OTOGL: variants seen among roughly 807,000 people sequenced by gnomAD.
The protein encoded by OTOGL is otogelin like, also known as otogelin-like protein.
In OTOGL, 285 loss-of-function variants were observed where a neutral mutation model predicts 318.5. The ratio of observed to expected loss-of-function variants is 0.89; its 90% CI spans 0.81 to 0.99. OTOGL has a LOEUF of 0.99. Ranked by LOEUF, OTOGL falls within the 50% of genes least tolerant of loss-of-function variation. OTOGL has a pLI of 0.00. For synonymous variants in OTOGL, 987 were observed against 936.5 expected (o/e 1.05, Z -0.99); for missense variants, 2,899 against 2,845.6 (o/e 1.02, Z -0.43).
At chr12:80,307,734 C>CG (rs1243633737) in intron 29 of OTOGL, among the ~76,000 whole-genome samples, 2 of 137,938 alleles carry the variant, frequency 1.4e-5, no homozygotes, top group African/African-American at 5.5e-5. Flanking sequence ...GCTGGCCGAG[C>CG]GGGGGGCAGA....
rs202052237 is a variant in OTOGL at position 80,270,042 on chromosome 12, AG to A, written c.2466-57del. 1.8e-4 allele frequency: 216 copies of A among 1,170,246 alleles called. 2 individuals carry two copies. The African/African-American group carries it at 3.9e-3, about 21-fold the overall frequency. The allele number at this position is 1,170,246 out of a possible 1,614,324, so 72.5% of individuals were successfully genotyped here. ...GTACGTTAGATTGTTGTCGAAATTC[AG>A]GGAAAAAAAAAAAAACAACAGATTT... On this transcript the variant is annotated intron_variant, in intron 22 of 58. Coordinates refer to ENST00000547103, the MANE Select transcript of OTOGL (RefSeq NM_001378609.3).
chr12:80,269,296 A>C (rs1883230398), intron 22 of OTOGL, among the ~76,000 whole-genome samples: 2 of 152,170 alleles, frequency 1.3e-5, no homozygotes. Flanking sequence ...GTTGTTTTCC[A>C]TCATGTTATC....
intron 30 of OTOGL, among the ~76,000 whole-genome samples, chr12:80,312,120 A>G (rs914195811): frequency 6.6e-6 from 1 of 152,210 alleles, no homozygotes; most frequent in Admixed American, 6.5e-5. Context: ...AAAAAATGAT[A>G]TTTTTTGAGT....
chr12:80,128,499 G>A (rs1390193267), intron 1 of OTOGL, among the ~76,000 whole-genome samples: 1 of 152,212 alleles, frequency 6.6e-6, no homozygotes, highest in Non-Finnish European at 1.5e-5. Flanking sequence ...GGACCCACTT[G>A]AGGAGGCAGT....
intron 1 of OTOGL, among the ~76,000 whole-genome samples, chr12:80,168,201 G>C (rs982974467): frequency 2.6e-5 from 4 of 151,978 alleles, no homozygotes; most frequent in Non-Finnish European, 4.4e-5. Flanking sequence ...AAAGTGGTCT[G>C]GCTGCCTCAG....
chr12:80,208,279 A>G (rs1186494775), intron 1 of OTOGL: 5 of 504,184 alleles, frequency 9.9e-6, no homozygotes, highest in Non-Finnish European at 2.0e-5. Context: ...AACTGTTTAT[A>G]TAATGAATGT....
intron 19 of OTOGL, among the ~76,000 whole-genome samples, chr12:80,264,291 A>G (rs985225004): frequency 1.3e-5 from 2 of 152,184 alleles, no homozygotes; most frequent in Non-Finnish European, 2.9e-5. Flanking sequence ...GTCATTCTCA[A>G]GGGAAAAATC....
rs1272056377 is a variant in OTOGL, at chr12:80,367,717, A to G, written c.6488A>G (p.Asn2163Ser). ...CACACTCTGAATTTTACACTGGTGA[A>G]TTGTTCAAAAAAATGTGATGTTGTA... ...GFHTLNFTLV[N>S]CSKKCDVHQV... is the part of the protein sequence containing the mutation. The change falls in exon 54 of 59, where the codon AAT (asparagine) becomes AGT (serine). Residue 2163 changes from asparagine (N) to serine (S), a missense_variant. Physicochemically the swap from Asn to Ser is conservative, Grantham distance 46. Transcript: ENST00000547103. 3.5e-6 allele frequency: 5 copies of G among 1,430,334 alleles called. No individual in the cohort carries two copies. The highest frequency in any genetic ancestry group is 1.6e-5 in the South Asian group (1 of 63,288). 88.6% of individuals were successfully genotyped at this position (1,430,334 alleles called of 1,614,324 possible). A position where few individuals can be genotyped will look rare whatever the true frequency, so the allele number is the denominator to read the frequency against.
chr12:80,170,285 G>A (rs1243341874), intron 1 of OTOGL, among the ~76,000 whole-genome samples: 2 of 151,624 alleles, frequency 1.3e-5, no homozygotes, highest in East Asian at 1.9e-4. Flanking sequence ...TCCAGTCCAT[G>A]TATACTGATA....
At chr12:80,306,504 C>T (rs759803327) in intron 29 of OTOGL, among the ~76,000 whole-genome samples, 2 of 152,136 alleles carry the variant, frequency 1.3e-5, no homozygotes, top group African/African-American at 4.8e-5. Flanking sequence ...AGTTACTTCT[C>T]TACTTTGCCT....
intron 44 of OTOGL, among the ~76,000 whole-genome samples, chr12:80,348,796 C>T (rs1889362876): frequency 6.6e-6 from 1 of 152,148 alleles, no homozygotes; most frequent in African/African-American, 2.4e-5. Flanking sequence ...TCTTAATATT[C>T]CAAGAGTTTT....
intron 52 of OTOGL, among the ~76,000 whole-genome samples, chr12:80,361,545 T>C (rs1389957742): frequency 6.6e-6 from 1 of 152,188 alleles, no homozygotes; most frequent in African/African-American, 2.4e-5. Context: ...TTTAATTTTT[T>C]GAGGAACATA....
At position 80,115,662 on chromosome 12, in the gene OTOGL, C is replaced by G. The variant is rs935115746; in HGVS notation, c.-20+16057C>G. Among the ~76,000 whole-genome samples, 4 of 152,346 alleles carry G rather than the reference C, an allele frequency of 2.6e-5. No individual in the cohort carries two copies. In the South Asian group the frequency reaches 8.3e-4, roughly 32 times the overall value. On this transcript the variant is annotated intron_variant, in intron 1 of 58. Coordinates refer to ENST00000547103, the MANE Select transcript of OTOGL (RefSeq NM_001378609.3). ...CTGTTCCTACAGCCGTTGCTTCCCC[C>G]CAGGTGCTCTGTCCCAGGGAGATGG... is the stretch of plus-strand genomic sequence containing the variant.
intron 44 of OTOGL, among the ~76,000 whole-genome samples, chr12:80,347,187 C>A (rs776795021): frequency 4.0e-5 from 6 of 151,770 alleles, no homozygotes; most frequent in African/African-American, 1.5e-4. Flanking sequence ...ATGTGCAGAA[C>A]GTGCAGGTTT....
At chr12:80,203,459 T>G (rs1260254039) in intron 1 of OTOGL, among the ~76,000 whole-genome samples, 5 of 152,124 alleles carry the variant, frequency 3.3e-5, no homozygotes, top group Non-Finnish European at 7.4e-5. Flanking sequence ...ATTCACAGAT[T>G]CTGGAAATTA....
chr12:80,369,410 A>G (rs1436458292), intron 55 of OTOGL, among the ~76,000 whole-genome samples: 5 of 152,088 alleles, frequency 3.3e-5, no homozygotes, highest in African/African-American at 1.2e-4. Context: ...TCCCAGGTTA[A>G]ATGGTTGACT....
In OTOGL at chr12:80,158,071, T is replaced by C. The variant is rs575826428; in HGVS notation, c.-19-51342T>C. On this transcript the variant is annotated intron_variant, in intron 1 of 58. Transcript: ENST00000547103. ...TAGTAAATCCTAAGCATTTTAAGTA[T>C]GAGAAAAATGCCACAAGCTTATAAA... 9.8e-4 allele frequency among the ~76,000 whole-genome samples: 149 copies of C among 152,196 alleles called. 2 individuals are homozygous for C. The South Asian group carries it at 0.01, about 11-fold the overall frequency.
At position 80,145,097 on chromosome 12, in the gene OTOGL, T is replaced by C. The variant is rs1347569493; in HGVS notation, c.-20+45492T>C. ...TTGTCAATTTTGTCTTTTGTTGCCA[T>C]TGCTTTTGGTGTTTTAGACATGAAG... On this transcript the variant is annotated intron_variant, in intron 1 of 58. Transcript: ENST00000547103. 2.3e-3 allele frequency among the ~76,000 whole-genome samples: 356 copies of C among 151,662 alleles called. 1 individual carries two copies. The highest frequency in any genetic ancestry group is 7.9e-3 in the African/African-American group (325 of 41,004).
intron 14 of OTOGL, 90 bp downstream of exon 14, chr12:80,253,664 A>G: frequency 1.0e-6 from 1 of 969,392 alleles, no homozygotes; most frequent in Non-Finnish European, 1.5e-6. Flanking sequence ...TATACTCATT[A>G]CTAATTTACT....
Sources: allele counts gnomAD v4.1 joint callset (sites outside exome capture counted in the v4.1 genomes callset), GRCh38; gene constraint gnomAD v4.1.1; transcripts MANE v1.5; gene names NCBI Gene and HGNC (gene_info 2026-07-23, HGNC 2026-07-21).